MORN5: variants seen among roughly 807,000 people sequenced by gnomAD.
MORN5 encodes the protein MORN repeat containing 5.
MORN5 carries 21 observed loss-of-function variants against 22.1 expected under a neutral mutation model. That is an observed-to-expected ratio of 0.95 (90% CI 0.67 to 1.37). The LOEUF (loss-of-function observed/expected upper bound fraction) is 1.37. Ranked by LOEUF, MORN5 falls within the 40% of genes most tolerant of loss-of-function variation. The pLI, the probability that MORN5 is intolerant of heterozygous loss-of-function variation, is 0.00. For synonymous variants in MORN5, 73 were observed against 74.0 expected, an observed-to-expected ratio of 0.99 and a Z score of 0.07; for missense variants, 211 against 215.1, an observed-to-expected ratio of 0.98 and a Z score of 0.12.
At chr9:122,164,878 A>G (rs1829252904) in intron 1 of MORN5, among the ~76,000 whole-genome samples, 1 of 152,208 alleles carries the variant, frequency 6.6e-6, no homozygotes, top group South Asian at 2.1e-4. Context: ...TCACTCAGTT[A>G]TCTCAACAAC....
rs1373883008 is a variant in MORN5 at position 122,199,901 on chromosome 9, G to A, written c.456G>A (p.Glu152=). Residue 152 remains glutamate, a synonymous_variant, in exon 5 of 5, where the codon GAG becomes GAA. Coordinates refer to ENST00000373764, the MANE Select transcript of MORN5 (RefSeq NM_198469.4). ...TCCTTGCAGATGATGACGAGCATGA[G>A]TGGATCACCCGTACCTGTCGAAAGG... is the stretch of plus-strand genomic sequence containing the variant. The part of the protein sequence containing the change: ...FLRNADDDEH[E]WITRTCRKG 3 of 1,613,872 alleles carry A rather than the reference G, an allele frequency of 1.9e-6. No homozygotes were observed. Among genetic ancestry groups the A allele is most frequent in the Non-Finnish European group, 2.5e-6 (3 of 1,179,884 alleles).
At chr9:122,166,302 T>C (rs772466629) in intron 1 of MORN5, among the ~76,000 whole-genome samples, 127 of 142,660 alleles carry the variant, frequency 8.9e-4, no homozygotes, top group Non-Finnish European at 1.3e-3. Context: ...ATAATGGTGG[T>C]AAGCTTCAAA....
chr9:122,161,153 T>C (rs1401472712), intron 1 of MORN5, among the ~76,000 whole-genome samples: 1 of 152,230 alleles, frequency 6.6e-6, no homozygotes, highest in East Asian at 1.9e-4. Flanking sequence ...AGTGGTTTGC[T>C]GAACCAGTGC....
In MORN5 at chr9:122,166,870, C is replaced by T. The variant is rs372597447; in HGVS notation, c.150C>T (p.Ser50=). 18 of 1,613,860 alleles carry T rather than the reference C, an allele frequency of 1.1e-5. No individual in the cohort carries two copies. Among genetic ancestry groups the T allele is most frequent in the East Asian group, 4.5e-5 (2 of 44,854 alleles). ...FHGEGTLYFP[S]GSQYDAIWEN... ...GCGAGGGAACCCTGTACTTCCCCAG[C>T]GGAAGCCAATACGACGCCATTTGGG... Residue 50 remains serine (S), a synonymous_variant, in exon 2 of 5, where the codon AGC becomes AGT. Transcript: ENST00000373764.
At chr9:122,196,872 TC>T (rs1829905162) in intron 4 of MORN5, among the ~76,000 whole-genome samples, 1 of 152,144 alleles carries the variant, frequency 6.6e-6, no homozygotes, top group Non-Finnish European at 1.5e-5. Context: ...CAAAAACATT[TC>T]CCCCATGTTG....
intron 1 of MORN5, among the ~76,000 whole-genome samples, chr9:122,163,455 G>A (rs1222191340): frequency 1.3e-5 from 2 of 152,192 alleles, no homozygotes; most frequent in African/African-American, 2.4e-5. Flanking sequence ...ACATACAGTC[G>A]GAGCCGTCCT....
In MORN5 at chr9:122,184,682, TATTTTATTTC is replaced by T. The variant is rs1298219613; in HGVS notation, c.439+10065_439+10074del. Among the ~76,000 whole-genome samples, 8 of 152,356 alleles carry T rather than the reference TATTTTATTTC, an allele frequency of 5.3e-5. No individual in the cohort carries two copies. The East Asian group carries it at 1.5e-3, about 29-fold the overall frequency. ...TGGTCTAAGCCCTTTACATATATTT[TATTTTATTTC>T]ATTTTATTTAATCTCCACAGTAACC... On this transcript the variant is annotated intron_variant, in intron 4 of 4. Coordinates refer to ENST00000373764, the MANE Select transcript of MORN5 (RefSeq NM_198469.4).
chr9:122,166,576 C>T (rs1829286060), intron 1 of MORN5, among the ~76,000 whole-genome samples, 192 bp from the exon 2 acceptor site: 2 of 152,098 alleles, frequency 1.3e-5, no homozygotes, highest in Admixed American at 6.5e-5. Flanking sequence ...ATGAACAGAG[C>T]AAACTCTATT....
At chr9:122,192,311 C>T (rs1399096104) in intron 4 of MORN5, among the ~76,000 whole-genome samples, 4 of 152,186 alleles carry the variant, frequency 2.6e-5, no homozygotes, top group African/African-American at 9.7e-5. Context: ...GGAATGATCT[C>T]ACTTGGTCCT....
chr9:122,169,414 G>T (rs1014137023), intron 2 of MORN5, among the ~76,000 whole-genome samples: 8 of 152,138 alleles, frequency 5.3e-5, no homozygotes, highest in Admixed American at 2.6e-4. Flanking sequence ...AGAGAGAGTG[G>T]GTCGTCTGCC....
At chr9:122,183,122 C>T (rs1444646554) in intron 4 of MORN5, among the ~76,000 whole-genome samples, 1 of 152,238 alleles carries the variant, frequency 6.6e-6, no homozygotes, top group African/African-American at 2.4e-5. Flanking sequence ...AAAAACACCA[C>T]AGTCCTCACA....
chr9:122,189,029 T>C (rs1829701776), intron 4 of MORN5, among the ~76,000 whole-genome samples: 1 of 152,032 alleles, frequency 6.6e-6, no homozygotes. Context: ...ACCCCGTCTC[T>C]ACTAAAAATA....
intron 3 of MORN5, among the ~76,000 whole-genome samples, chr9:122,173,642 T>C (rs578091060): frequency 6.6e-6 from 1 of 152,284 alleles, no homozygotes; most frequent in South Asian, 2.1e-4. Context: ...CCTCTCCCTT[T>C]ACTTGAGCCA....
chr9:122,185,752 A>T (rs889406232), intron 4 of MORN5, among the ~76,000 whole-genome samples: 5 of 152,194 alleles, frequency 3.3e-5, no homozygotes, highest in African/African-American at 1.2e-4. Context: ...TCTGAGACCC[A>T]GAGAGGGCAA....
At chr9:122,198,813 A>G (rs1323789334) in intron 4 of MORN5, among the ~76,000 whole-genome samples, 1 of 152,224 alleles carries the variant, frequency 6.6e-6, no homozygotes, top group African/African-American at 2.4e-5. Flanking sequence ...CAACAGTAAG[A>G]AGCAAAGAGC....
chr9:122,186,308 G>A (rs1829638231), intron 4 of MORN5, among the ~76,000 whole-genome samples: 2 of 152,170 alleles, frequency 1.3e-5, no homozygotes, highest in Non-Finnish European at 2.9e-5. Flanking sequence ...AGTAAAGGGA[G>A]GAACCAGGGT....
In MORN5 at chr9:122,171,717, C is replaced by T. The variant is rs533530428; in HGVS notation, c.307+1961C>T. Among the ~76,000 whole-genome samples the T allele has an allele frequency of 1.4e-4, 21 of 152,280 alleles. No individual in the cohort carries two copies. The South Asian group carries it at 4.4e-3, about 32-fold the overall frequency. ...TAGGTAAGCCTAATCCTCCCTTCCCCTGCCCCCTAAGTGCAATGGTCCTAT... is the reference window on the plus strand; with the variant it reads ...TAGGTAAGCCTAATCCTCCCTTCCCTTGCCCCCTAAGTGCAATGGTCCTAT... On this transcript the variant is annotated intron_variant, in intron 3 of 4. Coordinates refer to ENST00000373764, the MANE Select transcript of MORN5 (RefSeq NM_198469.4).
At chr9:122,162,148 A>G (rs1216246090) in intron 1 of MORN5, among the ~76,000 whole-genome samples, 1 of 152,192 alleles carries the variant, frequency 6.6e-6, no homozygotes, top group Non-Finnish European at 1.5e-5. Context: ...TTAACCATCC[A>G]TACCTCAGTT....
intron 4 of MORN5, among the ~76,000 whole-genome samples, chr9:122,177,623 G>A (rs1479285166): frequency 6.6e-6 from 1 of 152,112 alleles, no homozygotes. Context: ...AGTAGAGGCG[G>A]GGTTTTGCCA....
Sources: gnomAD v4.1 joint callset for allele counts (sites outside exome capture counted in the v4.1 genomes callset) on GRCh38, gnomAD v4.1.1 for gene constraint, MANE v1.5 for transcripts, NCBI Gene and HGNC (gene_info 2026-07-23, HGNC 2026-07-21) for gene names.